The following SYNPR variants were observed in gnomAD, a reference collection of about 807,000 sequenced individuals.
SYNPR encodes the protein synaptoporin.
Under a neutral mutation model 32.9 loss-of-function variants are expected in SYNPR, and 23 were observed. The observed-to-expected ratio is 0.70, with a 90% CI of 0.50 to 0.99. The LOEUF (loss-of-function observed/expected upper bound fraction) is 0.99. SYNPR is among the 50% of genes least tolerant of loss of function. SYNPR has a pLI of 0.00. For synonymous variants in SYNPR, 146 were observed against 135.9 expected (o/e 1.07, Z -0.52); for missense variants, 318 against 349.3 (o/e 0.91, Z 0.71).
At chr3:63,332,372 T>C (rs900115618) in intron 2 of SYNPR, among the ~76,000 whole-genome samples, 2 of 152,218 alleles carry the variant, frequency 1.3e-5, no homozygotes, top group Admixed American at 6.5e-5. Context: ...CTCACTTGTT[T>C]ATACTTCGGA....
chr3:63,386,517 A>T (rs545064193), intron 2 of SYNPR, among the ~76,000 whole-genome samples: 23 of 152,270 alleles, frequency 1.5e-4, no homozygotes, highest in African/African-American at 5.3e-4. Context: ...GTTTAATTGT[A>T]ATATAGTCTG....
At chr3:63,297,528 G>A (rs965591273) in intron 2 of SYNPR, among the ~76,000 whole-genome samples, 5 of 152,058 alleles carry the variant, frequency 3.3e-5, no homozygotes, top group African/African-American at 1.2e-4. Context: ...CTTTTATTTG[G>A]GAAGCAGACT....
intron 3 of SYNPR, among the ~76,000 whole-genome samples, chr3:63,535,845 A>G (rs1702195472): frequency 1.3e-5 from 2 of 152,104 alleles, no homozygotes; most frequent in South Asian, 4.1e-4. Flanking sequence ...AAGAAAATAT[A>G]GGAGTAAATT....
At position 63,349,570 on chromosome 3, in the gene SYNPR, T is replaced by C. The variant is rs369187005; in HGVS notation, c.84+70828T>C. Among the ~76,000 whole-genome samples the C allele has an allele frequency of 2.6e-5, 4 of 152,356 alleles. No homozygotes were observed. The East Asian group carries it at 5.8e-4, about 22-fold the overall frequency. ...AGATATTTTATTGTTTTTGTAGCTATTGTAAATGGGACTGCCTTCTCGATT... is the reference window on the plus strand; with the variant it reads ...AGATATTTTATTGTTTTTGTAGCTACTGTAAATGGGACTGCCTTCTCGATT... On this transcript the variant is annotated intron_variant, in intron 2 of 5. Transcript: ENST00000478300.
At chr3:63,287,496 A>T (rs2106926208) in intron 2 of SYNPR, among the ~76,000 whole-genome samples, 1 of 152,194 alleles carries the variant, frequency 6.6e-6, no homozygotes, top group East Asian at 1.9e-4. Context: ...GAGTAAATGC[A>T]GTGTGAGAGC....
Position 63,509,707 on chromosome 3 carries a change from C to T in SYNPR, c.209+28751C>T, listed in dbSNP as rs1701658671. 2.6e-5 allele frequency among the ~76,000 whole-genome samples: 4 copies of T among 151,784 alleles called. No homozygotes were observed. The South Asian group carries it at 8.3e-4, about 32-fold the overall frequency. ...TTAAGTTCCAACTAAATTGATAGTC[C>T]CCAGAAAGATAATTATTTTTGACAG... On this transcript the variant is annotated intron_variant, in intron 3 of 5. Transcript: ENST00000478300.
chr3:63,294,989 G>T (rs1441088692), intron 2 of SYNPR, among the ~76,000 whole-genome samples: 5 of 152,148 alleles, frequency 3.3e-5, no homozygotes, highest in African/African-American at 1.2e-4. Flanking sequence ...AGAATAGATA[G>T]AGTGTTATTG....
chr3:63,304,432 C>T (rs1005814028), intron 2 of SYNPR, among the ~76,000 whole-genome samples: 1 of 151,632 alleles, frequency 6.6e-6, no homozygotes, highest in Non-Finnish European at 1.5e-5. Flanking sequence ...CCTCTTTTAA[C>T]AATGTCTGAA....
intron 3 of SYNPR, among the ~76,000 whole-genome samples, chr3:63,534,450 A>G (rs1702166574): frequency 6.6e-6 from 1 of 152,186 alleles, no homozygotes; most frequent in Non-Finnish European, 1.5e-5. Context: ...TAAAAGTCAC[A>G]TTTTGTCAGC....
rs188253699 is a variant in SYNPR, at chr3:63,317,303, G to A, written c.84+38561G>A. On this transcript the variant is annotated intron_variant, in intron 2 of 5. Coordinates refer to ENST00000478300, the MANE Select transcript of SYNPR (RefSeq NM_001130003.2). ...TGTTTCTTTGTTGACTTTCCATTTT[G>A]TTGACCTGTCTAGTGCTGTCGGTGG... is the stretch of plus-strand genomic sequence containing the variant. Among the ~76,000 whole-genome samples, 496 of 151,834 alleles carry A rather than the reference G, an allele frequency of 3.3e-3. 5 individuals carry two copies. The highest frequency in any genetic ancestry group is 0.011 in the African/African-American group (458 of 41,454).
intron 2 of SYNPR, among the ~76,000 whole-genome samples, chr3:63,460,443 C>G (rs1382504439): frequency 1.3e-5 from 2 of 152,008 alleles, no homozygotes; most frequent in Non-Finnish European, 2.9e-5. Context: ...TGTCTCTCCT[C>G]CATCAAACTA....
intron 3 of SYNPR, among the ~76,000 whole-genome samples, chr3:63,555,965 C>T (rs1172853740): frequency 6.6e-6 from 1 of 152,174 alleles, no homozygotes; most frequent in African/African-American, 2.4e-5. Context: ...CAGGAAAAGG[C>T]TCTCATCTCT....
intron 3 of SYNPR, among the ~76,000 whole-genome samples, chr3:63,270,688 T>C (rs2086526794): frequency 6.6e-6 from 1 of 152,206 alleles, no homozygotes. Context: ...TTAACTTATC[T>C]ATGCTTCAGT....
rs542363752 is a variant in SYNPR at position 63,367,166 on chromosome 3, A to G, written c.84+88424A>G. Among the ~76,000 whole-genome samples, 3 of 152,298 alleles carry G rather than the reference A, an allele frequency of 2.0e-5. No homozygotes were observed. In the East Asian group the frequency reaches 5.8e-4, roughly 29 times the overall value. ...GCAAATTTGAGATTGTTGAGATATT[A>G]TCCAGGCCCACTGGGGAAAGTAAGG... On this transcript the variant is annotated intron_variant, in intron 2 of 5. Coordinates refer to ENST00000478300, the MANE Select transcript of SYNPR (RefSeq NM_001130003.2).
In SYNPR at chr3:63,404,042, C is replaced by T. The variant is rs17068490; in HGVS notation, c.85-76790C>T. ...CTGCCCTACCTCCAACCACCATTTA[C>T]TAGAGAACAAAAACACTGAGCCCAG... On this transcript the variant is annotated intron_variant, in intron 2 of 5. Coordinates refer to ENST00000478300, the MANE Select transcript of SYNPR (RefSeq NM_001130003.2). Among the ~76,000 whole-genome samples, 990 of 152,252 alleles carry T rather than the reference C, an allele frequency of 6.5e-3. 11 individuals carry two copies. The highest frequency in any genetic ancestry group is 0.022 in the African/African-American group (919 of 41,522).
intron 3 of SYNPR, among the ~76,000 whole-genome samples, chr3:63,517,470 C>T (rs543595862): frequency 2.6e-5 from 4 of 152,170 alleles, no homozygotes; most frequent in South Asian, 4.2e-4. Context: ...GAAAAACGGA[C>T]ACTTCTAGTA....
chr3:63,316,771 G>C (rs1437670103), intron 2 of SYNPR, among the ~76,000 whole-genome samples: 1 of 151,790 alleles, frequency 6.6e-6, no homozygotes, highest in East Asian at 1.9e-4. Context: ...TTATTCTGCT[G>C]GGTTAGGGGT....
intron 2 of SYNPR, among the ~76,000 whole-genome samples, chr3:63,454,510 G>T (rs770427028): frequency 6.6e-6 from 1 of 152,108 alleles, no homozygotes; most frequent in African/African-American, 2.4e-5. Flanking sequence ...ATAGCCCCAT[G>T]AAACAAACAG....
At chr3:63,537,314 C>A (rs767396738) in intron 3 of SYNPR, among the ~76,000 whole-genome samples, 2 of 152,054 alleles carry the variant, frequency 1.3e-5, no homozygotes, top group African/African-American at 4.8e-5. Context: ...CAACCCCTTT[C>A]GTGCCCTGCA....
Sources: allele counts gnomAD v4.1 joint callset (sites outside exome capture counted in the v4.1 genomes callset), GRCh38; gene constraint gnomAD v4.1.1; transcripts MANE v1.5; gene names NCBI Gene and HGNC (gene_info 2026-07-23, HGNC 2026-07-21).